REEP1: variants seen among roughly 807,000 people sequenced by gnomAD.
REEP1 encodes receptor accessory protein 1.
In REEP1, 22 loss-of-function variants were observed where a neutral mutation model predicts 40.3. That is an observed-to-expected ratio of 0.55 (90% confidence interval 0.39 to 0.78). The LOEUF is 0.78. Among genes scored for constraint, REEP1 ranks in the 30% least tolerant of loss-of-function variants. The probability of loss-of-function intolerance (pLI) is 0.00; values close to 1 mark genes in which losing one functional copy is unlikely to be tolerated. For missense variants in REEP1, 280 were observed against 361.1 expected, an observed-to-expected ratio of 0.78 and a Z score of 1.82; for synonymous variants, 116 against 139.2, an observed-to-expected ratio of 0.83 and a Z score of 1.17.
intron 7 of REEP1, among the ~76,000 whole-genome samples, chr2:86,222,852 G>A (rs1432033004): frequency 6.6e-6 from 1 of 152,208 alleles, no homozygotes; most frequent in Non-Finnish European, 1.5e-5. Flanking sequence ...GCACCAGGAG[G>A]AGCAGGAGAG....
intron 1 of REEP1, among the ~76,000 whole-genome samples, chr2:86,327,479 A>T (rs925005873): frequency 4.0e-5 from 6 of 151,460 alleles, no homozygotes; most frequent in Non-Finnish European, 7.4e-5. Flanking sequence ...GACCTTGGTG[A>T]GTGTTGTTGA....
chr2:86,317,364 T>G (rs1484059138), intron 1 of REEP1, among the ~76,000 whole-genome samples: 1 of 152,178 alleles, frequency 6.6e-6, no homozygotes, highest in East Asian at 1.9e-4. Context: ...TTGAATTTCT[T>G]AGGGTGGTAA....
At chr2:86,241,066 G>A (rs528592966) in intron 5 of REEP1, among the ~76,000 whole-genome samples, 22 of 152,306 alleles carry the variant, frequency 1.4e-4, no homozygotes, top group Admixed American at 7.8e-4. Flanking sequence ...GACCAAGCCC[G>A]GCCATCTGAG....
At chr2:86,237,373 G>A (rs1202271702) in intron 5 of REEP1, among the ~76,000 whole-genome samples, 4 of 152,162 alleles carry the variant, frequency 2.6e-5, no homozygotes, top group Non-Finnish European at 5.9e-5. Context: ...AGAATGATAT[G>A]GCATGGTCAT....
chr2:86,297,164 C>A (rs1318693044), intron 1 of REEP1, among the ~76,000 whole-genome samples: 2 of 152,222 alleles, frequency 1.3e-5, no homozygotes, highest in Admixed American at 6.5e-5. Flanking sequence ...GCCCAGAGAG[C>A]TGGCCAGCAC....
chr2:86,280,939 T>C (rs1678049453), intron 2 of REEP1, among the ~76,000 whole-genome samples: 1 of 152,200 alleles, frequency 6.6e-6, no homozygotes, highest in South Asian at 2.1e-4. Flanking sequence ...AAGAGACATC[T>C]GAGTAAAAGA....
intron 5 of REEP1, among the ~76,000 whole-genome samples, chr2:86,245,750 C>G (rs1044322387): frequency 1.4e-4 from 21 of 151,898 alleles, no homozygotes; most frequent in African/African-American, 5.1e-4. Flanking sequence ...AGGCTGGTCC[C>G]CAACATATAC....
chr2:86,313,777 C>A (rs183131403), intron 1 of REEP1, among the ~76,000 whole-genome samples: 1 of 152,290 alleles, frequency 6.6e-6, no homozygotes, highest in Admixed American at 6.5e-5. Flanking sequence ...GTAACTGGGC[C>A]AGGTGGGGCT....
At chr2:86,290,384 C>G (rs922462484) in intron 1 of REEP1, among the ~76,000 whole-genome samples, 1 of 152,064 alleles carries the variant, frequency 6.6e-6, no homozygotes, top group Non-Finnish European at 1.5e-5. Context: ...TATAAGTTTG[C>G]CCAAACTCAG....
intron 5 of REEP1, among the ~76,000 whole-genome samples, chr2:86,246,702 TTTTTTC>T (rs1171751359): frequency 1.7e-5 from 1 of 57,716 alleles, no homozygotes; most frequent in Non-Finnish European, 4.4e-5. Flanking sequence ...TTTTTTTTTC[TTTTTTC>T]TTTTTTTTTT....
chr2:86,249,879 A>T (rs1676172643), intron 5 of REEP1, among the ~76,000 whole-genome samples: 1 of 152,164 alleles, frequency 6.6e-6, no homozygotes, highest in African/African-American at 2.4e-5. Context: ...AGATATTTAT[A>T]TTTAGAGAGA....
intron 1 of REEP1, among the ~76,000 whole-genome samples, chr2:86,296,293 G>A (rs28527367): frequency 0.11 from 16,285 of 152,212 alleles, 1,705 homozygotes; most frequent in African/African-American, 0.27. Context: ...AAAACTCTAC[G>A]AAGTAGACAT....
chr2:86,267,628 G>A (rs1184682822), intron 2 of REEP1, among the ~76,000 whole-genome samples: 1 of 152,038 alleles, frequency 6.6e-6, no homozygotes, highest in Admixed American at 6.5e-5. Context: ...CAAGGCTGCA[G>A]TAAGCTATGA....
At chr2:86,217,413 T>C (rs1029623709) in intron 8 of REEP1, among the ~76,000 whole-genome samples, 1 of 152,150 alleles carries the variant, frequency 6.6e-6, no homozygotes, top group African/African-American at 2.4e-5. Context: ...AGGAGCAAAA[T>C]TATCTTAAAT....
intron 1 of REEP1, among the ~76,000 whole-genome samples, chr2:86,285,525 A>T (rs1678340037): frequency 2.0e-5 from 3 of 152,212 alleles, no homozygotes; most frequent in Non-Finnish European, 2.9e-5. Context: ...AAGAATTCTT[A>T]CTACCCCATT....
intron 5 of REEP1, among the ~76,000 whole-genome samples, chr2:86,250,560 C>T (rs901797056): frequency 1.3e-5 from 2 of 152,178 alleles, no homozygotes; most frequent in Non-Finnish European, 2.9e-5. Flanking sequence ...TCCAAAGATA[C>T]TCACTGGGAT....
intron 3 of REEP1, among the ~76,000 whole-genome samples, chr2:86,257,668 A>C (rs1676639670): frequency 1.4e-5 from 2 of 138,952 alleles, no homozygotes; most frequent in Admixed American, 7.6e-5. Context: ...ACAGAGTTTC[A>C]CTCTGCTGCG....
intron 5 of REEP1, among the ~76,000 whole-genome samples, chr2:86,246,288 T>C (rs1409540571): frequency 6.6e-6 from 1 of 152,202 alleles, no homozygotes; most frequent in Admixed American, 6.5e-5. Context: ...GAGCCCCTCA[T>C]CTCAAGAAGC....
At chr2:86,269,183 C>T (rs1327491746) in intron 2 of REEP1, among the ~76,000 whole-genome samples, 3 of 152,174 alleles carry the variant, frequency 2.0e-5, no homozygotes, top group Non-Finnish European at 2.9e-5. Flanking sequence ...TCCCTTCTGT[C>T]TATAAAGCCA....
Sources: allele counts gnomAD v4.1 joint callset (sites outside exome capture counted in the v4.1 genomes callset), GRCh38; gene constraint gnomAD v4.1.1; transcripts MANE v1.5; gene names NCBI Gene and HGNC (gene_info 2026-07-23, HGNC 2026-07-21).